The following EXD3 variants were observed in gnomAD, a reference collection of about 807,000 sequenced individuals.
EXD3 encodes the protein exonuclease 3'-5' domain containing 3, also known as exonuclease mut-7 homolog.
Under a neutral mutation model 98.0 loss-of-function variants are expected in EXD3, and 92 were observed. The ratio of observed to expected loss-of-function variants is 0.94; its 90% confidence interval spans 0.79 to 1.12. The LOEUF is 1.12. Ranked by LOEUF, EXD3 falls within the 50% of genes most tolerant of loss-of-function variation. The probability of loss-of-function intolerance (pLI) is 0.00; values close to 1 mark genes in which losing one functional copy is unlikely to be tolerated. For synonymous variants in EXD3, 569 were observed against 526.0 expected (o/e 1.08, Z -1.12); for missense variants, 1,222 against 1,191.6 (o/e 1.03, Z -0.38).
At chr9:137,391,561 T>G (rs7465828) in intron 2 of EXD3, among the ~76,000 whole-genome samples, 1 of 148,702 alleles carries the variant, frequency 6.7e-6, no homozygotes, top group African/African-American at 2.5e-5. Context: ...AGGGCCGGCC[T>G]CCCCGCCCCA....
At chr9:137,330,338 A>G (rs111207796) in intron 17 of EXD3, among the ~76,000 whole-genome samples, 6,230 of 132,484 alleles carry the variant, frequency 0.047, 386 homozygotes, top group African/African-American at 0.096. Flanking sequence ...GGGACTACAC[A>G]GGACTACACA....
At chr9:137,386,377 T>C (rs1179175375) in intron 2 of EXD3, among the ~76,000 whole-genome samples, 4 of 152,088 alleles carry the variant, frequency 2.6e-5, no homozygotes, top group Admixed American at 2.6e-4. Flanking sequence ...AGGTGGGAAG[T>C]TGGTGATGCC....
In EXD3 at chr9:137,377,816, C is replaced by G. The variant is rs192732949; in HGVS notation, c.121-4217G>C. 6.1e-3 allele frequency among the ~76,000 whole-genome samples: 783 copies of G among 128,830 alleles called. 14 individuals carry two copies. Among genetic ancestry groups the G allele is most frequent in the African/African-American group, 0.023 (742 of 32,358 alleles). The allele number at this position is 128,830 out of a possible 152,430, so 84.5% of individuals were successfully genotyped here. On this transcript the variant is annotated intron_variant, in intron 3 of 21. Coordinates refer to ENST00000340951, the MANE Select transcript of EXD3 (RefSeq NM_017820.5). ...TTTTTTTTTTTTTTTTTTCCTGGGA[C>G]AGAGTCTTGCTCTGTCGCCCAGGCT...
intron 2 of EXD3, among the ~76,000 whole-genome samples, chr9:137,394,457 AGCCTCCGCTTCCCTAACCCCG>A: frequency 9.9e-6 from 1 of 101,138 alleles, no homozygotes; most frequent in Admixed American, 1.0e-4. Flanking sequence ...CCGGCCTCCC[AGCCTCCGCTTCCCTAACCCCG>A]GCCTCCCAGC....
intron 17 of EXD3, among the ~76,000 whole-genome samples, chr9:137,338,609 G>A (rs1478026406): frequency 5.3e-5 from 8 of 151,916 alleles, no homozygotes; most frequent in Non-Finnish European, 5.9e-5. Flanking sequence ...TAAGTTGGCC[G>A]GGCGCAGTGG....
Position 137,351,340 on chromosome 9 carries a change from C to A in EXD3, c.1362G>T (p.Ser454=), listed in dbSNP as rs58444859. Residue 454 remains serine (S), a synonymous_variant, in exon 13 of 22, where the codon TCG becomes TCT. Coordinates refer to ENST00000340951, the MANE Select transcript of EXD3 (RefSeq NM_017820.5). ...CACCCAGCTTGGTGATAGAGGGGTC[C>A]GAGAGGAGCTGGGCCACCAGCCGGG... ...AFSRLVAQLL[S]DPSITKLGYG... The A allele has an allele frequency of 5.4e-5, 87 of 1,611,542 alleles. No homozygotes were observed. In the East Asian group the frequency reaches 1.9e-3, roughly 35 times the overall value.
intron 4 of EXD3, 72 bp downstream of exon 4, chr9:137,373,354 G>A (rs1315053802): frequency 2.0e-6 from 3 of 1,531,766 alleles, no homozygotes; most frequent in African/African-American, 2.7e-5. Context: ...CTGGGCAGGT[G>A]GATGCCGGGT....
At position 137,398,517 on chromosome 9, in the gene EXD3, A is replaced by G. The variant is rs560605208; in HGVS notation, c.-47-3113T>C. On this transcript the variant is annotated intron_variant, in intron 1 of 21. Coordinates refer to ENST00000340951, the MANE Select transcript of EXD3 (RefSeq NM_017820.5). ...ACGTCCCCATGACACATGTGCACCC[A>G]TGTCCCCAAGACACACAGGCAACCG... 2.0e-3 allele frequency among the ~76,000 whole-genome samples: 296 copies of G among 150,732 alleles called. 1 individual carries two copies. The highest frequency in any genetic ancestry group is 6.9e-3 in the African/African-American group (283 of 40,906).
intron 19 of EXD3, among the ~76,000 whole-genome samples, chr9:137,310,270 C>G (rs755082996): frequency 1.3e-5 from 2 of 152,142 alleles, no homozygotes; most frequent in Non-Finnish European, 2.9e-5. Flanking sequence ...TTTTGAGATG[C>G]GGTCTCATTG....
chr9:137,309,616 T>C lies in EXD3; in HGVS notation c.2269A>G (p.Arg757Gly). ...MWLSSHQEGP[R>G]SSGDEATQSQ... ...ACCCTGACACACTCACCTGAGCTCCTGGGCCCCTCCTGGTGACTGCTGAGC... is the reference window on the plus strand; with the variant it reads ...ACCCTGACACACTCACCTGAGCTCCCGGGCCCCTCCTGGTGACTGCTGAGC... Residue 757 changes from arginine (R) to glycine (G), a missense_variant, in exon 20 of 22, where the codon AGG becomes GGG. Physicochemically the swap from Arg to Gly is moderately radical, Grantham distance 125. Transcript: ENST00000340951. The C allele has an allele frequency of 6.4e-7, 1 of 1,559,392 alleles. No homozygotes were observed. Among genetic ancestry groups the C allele is most frequent in the Non-Finnish European group, 8.7e-7 (1 of 1,151,664 alleles).
chr9:137,311,071 C>T (rs1265547170), intron 19 of EXD3, among the ~76,000 whole-genome samples: 1 of 152,220 alleles, frequency 6.6e-6, no homozygotes, highest in Non-Finnish European at 1.5e-5. Flanking sequence ...AGAGGCTGCA[C>T]TACCTGCCTC....
At chr9:137,398,767 G>A (rs1211618551) in intron 1 of EXD3, among the ~76,000 whole-genome samples, 1 of 91,984 alleles carries the variant, frequency 1.1e-5, no homozygotes, top group Non-Finnish European at 2.1e-5. Context: ...ACAGGCACCC[G>A]CGTCCCCGTG....
intron 7 of EXD3, 89 bp downstream of exon 7, chr9:137,366,404 C>A (rs59618117): frequency 6.7e-6 from 10 of 1,503,646 alleles, no homozygotes; most frequent in Non-Finnish European, 9.0e-6. Flanking sequence ...AGCTCTCCCA[C>A]GCGCCTGCTG....
chr9:137,327,839 G>C (rs990159666), intron 17 of EXD3, among the ~76,000 whole-genome samples: 1 of 145,908 alleles, frequency 6.9e-6, no homozygotes, highest in Admixed American at 6.8e-5. Flanking sequence ...CATATGATGA[G>C]TAAAAACAAC....
intron 17 of EXD3, among the ~76,000 whole-genome samples, chr9:137,337,068 G>A (rs969455837): frequency 2.6e-5 from 4 of 152,106 alleles, no homozygotes; most frequent in African/African-American, 4.8e-5. Context: ...AGTGCTTTAC[G>A]AGTAATAACC....
chr9:137,404,449 A>C (rs1588430480), intron 1 of EXD3, among the ~76,000 whole-genome samples: 1 of 152,180 alleles, frequency 6.6e-6, no homozygotes, highest in Admixed American at 6.5e-5. Context: ...TCCTCACTCT[A>C]CCACTCTCCA....
Position 137,315,563 on chromosome 9 carries a change from C to G in EXD3, c.2185-5863G>C, listed in dbSNP as rs1348450257. Among the ~76,000 whole-genome samples the G allele has an allele frequency of 3.3e-5, 5 of 152,084 alleles. No individual in the cohort carries two copies. In the East Asian group the frequency reaches 7.7e-4, roughly 24 times the overall value. ...TGAGCCACAGGGCCTGGGCAGGAGGCCGAGGCCCCGGCACCGGGTCTCCCA... is the reference window on the plus strand; with the variant it reads ...TGAGCCACAGGGCCTGGGCAGGAGGGCGAGGCCCCGGCACCGGGTCTCCCA... On this transcript the variant is annotated intron_variant, in intron 19 of 21. Transcript: ENST00000340951.
At chr9:137,307,524 C>A in intron 21 of EXD3, 84 bp downstream of exon 21, 1 of 1,544,586 alleles carries the variant, frequency 6.5e-7, no homozygotes. Flanking sequence ...CCGGCCGGGA[C>A]CCAAGTCCCC....
intron 3 of EXD3, among the ~76,000 whole-genome samples, 158 bp downstream of exon 3, chr9:137,383,155 C>T (rs1255943128): frequency 6.6e-6 from 1 of 152,192 alleles, no homozygotes; most frequent in Non-Finnish European, 1.5e-5. Flanking sequence ...CACAGGCCAC[C>T]CTGGAGGCGG....
Sources: gnomAD v4.1 joint callset for allele counts (sites outside exome capture counted in the v4.1 genomes callset) on GRCh38, gnomAD v4.1.1 for gene constraint, MANE v1.5 for transcripts, NCBI Gene and HGNC (gene_info 2026-07-23, HGNC 2026-07-21) for gene names.